The following BRCA2 variants were observed in gnomAD, a reference collection of about 807,000 sequenced individuals.
BRCA2 encodes BRCA2 DNA repair associated.
Under a neutral mutation model 276.7 loss-of-function variants are expected in BRCA2, and 203 were observed. The ratio of observed to expected loss-of-function variants is 0.73; its 90% CI spans 0.65 to 0.82. BRCA2 has a LOEUF of 0.82. Ranked by LOEUF, BRCA2 falls within the 40% of genes least tolerant of loss-of-function variation. BRCA2 has a pLI of 0.00. For missense variants in BRCA2, 3,920 were observed against 3,915.0 expected, an observed-to-expected ratio of 1.00 and a Z score of -0.03; for synonymous variants, 1,289 against 1,338.4, an observed-to-expected ratio of 0.96 and a Z score of 0.81.
intron 18 of BRCA2, among the ~76,000 whole-genome samples, chr13:32,368,281 A>G (rs1372833605): frequency 6.6e-6 from 1 of 151,758 alleles, no homozygotes; most frequent in Non-Finnish European, 1.5e-5. Context: ...TGGCCTCCCA[A>G]AGTGCTGGGA....
rs1171138904 is a variant in BRCA2, at chr13:32,333,135, T to C, written c.1657T>C (p.Leu553=). ...HTVCSQKEDS[L]CPNLIDNGSW... ...TGTTTGCTCACAGAAGGAGGACTCC[T>C]TATGTCCAAATTTAATTGATAATGG... The change falls in exon 10 of 27, where the codon TTA becomes CTA. Residue 553 remains leucine, a synonymous_variant. Transcript: ENST00000380152. 6.2e-7 allele frequency: 1 copy of C among 1,614,120 alleles called. No individual in the cohort carries two copies. Among genetic ancestry groups the C allele is most frequent in the Non-Finnish European group, 8.5e-7 (1 of 1,180,006 alleles).
intron 13 of BRCA2, among the ~76,000 whole-genome samples, chr13:32,350,445 CTATT>C (rs1217452856): frequency 2.6e-5 from 4 of 152,036 alleles, no homozygotes; most frequent in African/African-American, 4.8e-5. Flanking sequence ...AGGAAGTACA[CTATT>C]TATATACTAC....
chr13:32,398,037 A>T (rs1410626973), intron 26 of BRCA2, 125 bp from the exon 27 acceptor site: 2 of 933,670 alleles, frequency 2.1e-6, no homozygotes, highest in African/African-American at 3.3e-5. Context: ...ACCTATTAGG[A>T]GTTAGGGGAG....
intron 14 of BRCA2, 80 bp downstream of exon 14, chr13:32,355,368 T>C (rs1454958616): frequency 2.0e-6 from 3 of 1,512,766 alleles, no homozygotes; most frequent in Non-Finnish European, 2.7e-6. Flanking sequence ...CTGATGGTTT[T>C]CCCCCTTTGG....
Position 32,338,918 on chromosome 13 carries a change from A to T in BRCA2, c.4563A>T (p.Leu1521=), listed in dbSNP as rs206075. ...ERDEKIKEPT[L]LGFHTASGKK... is the part of the protein sequence containing the mutation. ...ATGAAAAGATCAAAGAACCTACTCT[A>T]TTGGGTTTTCATACAGCTAGCGGGA... The change falls in exon 11 of 27, where the codon CTA becomes CTT. Residue 1521 remains leucine (L), a synonymous_variant. Transcript: ENST00000380152. 1 of 1,614,006 alleles carries T rather than the reference A, an allele frequency of 6.2e-7. No individual in the cohort carries two copies. Among genetic ancestry groups the T allele is most frequent in the Non-Finnish European group, 8.5e-7 (1 of 1,179,948 alleles).
intron 18 of BRCA2, 58 bp from the exon 19 acceptor site, chr13:32,370,344 G>A (rs2137596004): frequency 1.3e-6 from 2 of 1,497,968 alleles, no homozygotes; most frequent in South Asian, 1.1e-5. Flanking sequence ...TATGATATCT[G>A]TAATAGAATT....
intron 13 of BRCA2, among the ~76,000 whole-genome samples, chr13:32,349,690 C>G (rs1366480817): frequency 6.6e-6 from 1 of 151,762 alleles, no homozygotes; most frequent in Non-Finnish European, 1.5e-5. Flanking sequence ...GTAGCATGCC[C>G]CTGTAATCCA....
At chr13:32,354,728 A>G (rs953880929) in intron 13 of BRCA2, 133 bp from the exon 14 acceptor site, 1 of 706,986 alleles carries the variant, frequency 1.4e-6, no homozygotes. Context: ...TTGGAATGGC[A>G]ACCATGGTGA....
chr13:32,324,066 G>T (rs569317685), intron 3 of BRCA2, among the ~76,000 whole-genome samples: 1 of 152,184 alleles, frequency 6.6e-6, no homozygotes, highest in Admixed American at 6.5e-5. Context: ...TATTTCAGGA[G>T]TGACTAATAT....
chr13:32,331,279 C>T (rs906355721), intron 9 of BRCA2, among the ~76,000 whole-genome samples: 1 of 152,174 alleles, frequency 6.6e-6, no homozygotes, highest in South Asian at 2.1e-4. Context: ...CTCAAATGGT[C>T]GTGAGCCACC....
chr13:32,347,031 A>G, intron 13 of BRCA2, 135 bp downstream of exon 13: 1 of 635,856 alleles, frequency 1.6e-6, no homozygotes, highest in Non-Finnish European at 2.6e-6. Flanking sequence ...TTTATAAAAT[A>G]CTTTGGTAGT....
At chr13:32,322,523 C>CCT (rs1201766202) in intron 3 of BRCA2, among the ~76,000 whole-genome samples, 1 of 152,190 alleles carries the variant, frequency 6.6e-6, no homozygotes, top group African/African-American at 2.4e-5. Flanking sequence ...AGGAGAATGT[C>CCT]CTTAAGGCAC....
At chr13:32,397,897 G>A (rs150606398) in intron 26 of BRCA2, among the ~76,000 whole-genome samples, 10 of 152,216 alleles carry the variant, frequency 6.6e-5, no homozygotes, top group Non-Finnish European at 1.5e-4. Context: ...CATAAGTGAC[G>A]TCCCCTACCT....
chr13:32,325,252 G>A (rs2137447426), intron 4 of BRCA2, 68 bp downstream of exon 4: 1 of 1,176,292 alleles, frequency 8.5e-7, no homozygotes, highest in South Asian at 1.4e-5. Flanking sequence ...GTTCTATAAA[G>A]ATGAATCTGA....
upstream of BRCA2, chr13:32,315,404 G>C (rs1336083740): frequency 1.3e-5 from 2 of 152,370 alleles, no homozygotes; most frequent in African/African-American, 4.8e-5. Flanking sequence ...ACCCGCAGCG[G>C]CCCACCCAGG....
In BRCA2 at chr13:32,340,180, T is replaced by G. The variant is rs2072539383; in HGVS notation, c.5825T>G (p.Val1942Gly). Residue 1942 changes from valine to glycine, a missense_variant, in exon 11 of 27, where the codon GTT becomes GGT. By Grantham distance (109) the Val-to-Gly change is moderately radical (BLOSUM62 -3). Transcript: ENST00000380152. ...CAAAATATGTCTGGATTGGAGAAAG[T>G]TTCTAAAATATCACCTTGTGATGTT... ...HNQNMSGLEK[V>G]SKISPCDVSL... The G allele has an allele frequency of 6.2e-7, 1 of 1,613,330 alleles. No homozygotes were observed. The highest frequency in any genetic ancestry group is 1.1e-5 in the South Asian group (1 of 91,012).
intron 3 of BRCA2, among the ~76,000 whole-genome samples, chr13:32,320,813 T>G (rs1243416596): frequency 6.6e-6 from 1 of 152,238 alleles, no homozygotes; most frequent in Non-Finnish European, 1.5e-5. Context: ...GAAAGCCTAA[T>G]GATCAAACAG....
At chr13:32,348,781 C>G (rs2072628032) in intron 13 of BRCA2, among the ~76,000 whole-genome samples, 1 of 152,064 alleles carries the variant, frequency 6.6e-6, no homozygotes, top group Non-Finnish European at 1.5e-5. Context: ...GAAGGGAGAT[C>G]CCAGAGTAGC....
At chr13:32,391,869 A>G (rs2137646775) in intron 24 of BRCA2, among the ~76,000 whole-genome samples, 1 of 152,360 alleles carries the variant, frequency 6.6e-6, no homozygotes, top group Middle Eastern at 3.4e-3. Flanking sequence ...TGATCCAGAC[A>G]TGGAAACCTC....
Sources: allele counts gnomAD v4.1 joint callset (sites outside exome capture counted in the v4.1 genomes callset), GRCh38; gene constraint gnomAD v4.1.1; transcripts MANE v1.5; gene names NCBI Gene and HGNC (gene_info 2026-07-23, HGNC 2026-07-21).